Variants in OSBPL3 observed in about 807,000 individuals in gnomAD.
OSBPL3 encodes oxysterol binding protein like 3.
OSBPL3 carries 65 observed loss-of-function variants against 120.1 expected under a neutral mutation model. That is an observed-to-expected ratio of 0.54 (90% CI 0.44 to 0.67). OSBPL3 has a LOEUF of 0.67. OSBPL3 is among the 30% of genes least tolerant of loss of function. OSBPL3 has a pLI of 0.00. For synonymous variants in OSBPL3, 416 were observed against 402.6 expected, an observed-to-expected ratio of 1.03 and a Z score of -0.40; for missense variants, 1,004 against 1,082.1, an observed-to-expected ratio of 0.93 and a Z score of 1.01.
chr7:24,974,274 T>G (rs2711028), intron 1 of OSBPL3, among the ~76,000 whole-genome samples: 26,423 of 152,150 alleles, frequency 0.17, 2,844 homozygotes, highest in South Asian at 0.4. Flanking sequence ...ACCCCCAGAT[T>G]ATTTCAAAGC....
Position 24,810,007 on chromosome 7 carries a change from T to A in OSBPL3, c.2173-56A>T. The A allele has an allele frequency of 5.0e-6, 8 of 1,586,312 alleles. No individual in the cohort carries two copies. In the Admixed American group the frequency reaches 6.9e-5, roughly 14 times the overall value. ...CTTTAGCATCAGCTTATTACAGATA[T>A]TAAGGAAAGAAAAAAGGAAAAGCTA... On this transcript the variant is annotated intron_variant, in intron 19 of 22. Transcript: ENST00000313367.
chr7:24,836,212 A>G (rs79705006), intron 14 of OSBPL3, among the ~76,000 whole-genome samples: 18,625 of 152,240 alleles, frequency 0.12, 1,302 homozygotes, highest in Non-Finnish European at 0.17. Context: ...CTGCTTTTCA[A>G]AAAGGCTGCC....
rs957226218 is a variant in OSBPL3 at position 24,830,909 on chromosome 7, A to T, written c.1747-4T>A. The T allele has an allele frequency of 1.9e-6, 3 of 1,589,282 alleles. No individual in the cohort carries two copies. Among genetic ancestry groups the T allele is most frequent in the Admixed American group, 3.8e-5 (2 of 52,494 alleles). ...TGGCAAAGGCTGCCACATATACCTA[A>T]GGACAAGAGAAAAGAACTTTGTCAT... On this transcript the variant is annotated splice_region_variant and splice_polypyrimidine_tract_variant and intron_variant, in intron 15 of 22. Transcript: ENST00000313367. This position sits in a 1 kb window ranked among gnomAD's most constrained non-coding sequence, Gnocchi z 4.4.
chr7:24,903,532 G>A (rs545284217), intron 1 of OSBPL3, among the ~76,000 whole-genome samples: 3 of 152,324 alleles, frequency 2.0e-5, no homozygotes, highest in South Asian at 4.1e-4. Flanking sequence ...TCCTTCACCA[G>A]AAGAAATGCT....
Position 24,883,416 on chromosome 7 carries a change from C to T in OSBPL3, c.96+8961G>A, listed in dbSNP as rs1257563441. Among the ~76,000 whole-genome samples the T allele has an allele frequency of 6.6e-6, 1 of 152,184 alleles. No homozygotes were observed. Among genetic ancestry groups the T allele is most frequent in the African/African-American group, 2.4e-5 (1 of 41,442 alleles). The stretch of plus-strand genomic sequence containing the variant: ...CCTCCCCAGGAAAGAGCTATTGAAT[C>T]GGTCAGCTCAGTTCACATTTGCATC... On this transcript the variant is annotated intron_variant, in intron 2 of 22. Transcript: ENST00000313367. This position sits in a 1 kb window ranked among gnomAD's most constrained non-coding sequence, Gnocchi z 5.4.
At chr7:24,810,848 A>G (rs1793708168) in intron 19 of OSBPL3, among the ~76,000 whole-genome samples, 1 of 152,246 alleles carries the variant, frequency 6.6e-6, no homozygotes, top group African/African-American at 2.4e-5. Context: ...GTCACAAATG[A>G]CAGGGTTTCC....
intron 1 of OSBPL3, among the ~76,000 whole-genome samples, chr7:24,893,104 C>T (rs979231902): frequency 6.6e-5 from 10 of 152,094 alleles, no homozygotes; most frequent in African/African-American, 2.2e-4. Flanking sequence ...ATCATATGAT[C>T]CAGTAATTCC....
In OSBPL3 at chr7:24,946,319, T is replaced by C. The variant is rs1055513813; in HGVS notation, c.-150+33567A>G. 6.6e-6 allele frequency among the ~76,000 whole-genome samples: 1 copy of C among 152,150 alleles called. No individual in the cohort carries two copies. Among genetic ancestry groups the C allele is most frequent in the African/African-American group, 2.4e-5 (1 of 41,424 alleles). On this transcript the variant is annotated intron_variant, in intron 1 of 22. Transcript: ENST00000313367. This position sits in a 1 kb window ranked among gnomAD's most constrained non-coding sequence, Gnocchi z 4.3. ...CAACCTAGACTACTAAGTTGTCACA[T>C]AGCGTTATTTTTGCCGTACTTTTAT...
chr7:24,893,256 A>C (rs1318530110), intron 1 of OSBPL3, among the ~76,000 whole-genome samples: 1 of 152,228 alleles, frequency 6.6e-6, no homozygotes, highest in Non-Finnish European at 1.5e-5. Context: ...GATGAACAAA[A>C]TCTCATATAT....
chr7:24,925,205 C>A (rs139421619), intron 1 of OSBPL3, among the ~76,000 whole-genome samples: 2 of 152,304 alleles, frequency 1.3e-5, no homozygotes, highest in Admixed American at 6.5e-5. Flanking sequence ...AGGCCTACCG[C>A]TGTGATAACA....
chr7:24,861,589 T>A, intron 10 of OSBPL3, 24 bp downstream of exon 10: 1 of 1,533,188 alleles, frequency 6.5e-7, no homozygotes, highest in Non-Finnish European at 8.9e-7. Flanking sequence ...TCAAACACAT[T>A]AGGAAGAAAG....
intron 14 of OSBPL3, among the ~76,000 whole-genome samples, chr7:24,839,799 GGTAATATGGT>G (rs1797473787): frequency 6.6e-6 from 1 of 151,730 alleles, no homozygotes; most frequent in African/African-American, 2.4e-5. Context: ...GACCAGCCTG[GGTAATATGGT>G]GAAACCTCGT....
intron 5 of OSBPL3, among the ~76,000 whole-genome samples, chr7:24,866,904 C>A (rs761981724): frequency 5.9e-5 from 9 of 152,140 alleles, no homozygotes; most frequent in Non-Finnish European, 1.0e-4. Flanking sequence ...CAGGTTCAAG[C>A]GATCTCTTGC....
rs377386634 is a variant in OSBPL3, at chr7:24,833,096, G to C, written c.1746+1390C>G. Among the ~76,000 whole-genome samples, 7 of 152,198 alleles carry C rather than the reference G, an allele frequency of 4.6e-5. No homozygotes were observed. Among genetic ancestry groups the C allele is most frequent in the African/African-American group, 1.7e-4 (7 of 41,454 alleles). On this transcript the variant is annotated intron_variant, in intron 15 of 22. Coordinates refer to ENST00000313367, the MANE Select transcript of OSBPL3 (RefSeq NM_015550.4). This position sits in a 1 kb window ranked among gnomAD's most constrained non-coding sequence, Gnocchi z 4.4. ...AACACTTGCTTAGAAGCTATTTCTA[G>C]AAGATTTGCCTTCCTTTTATTCAGC...
Position 24,866,082 on chromosome 7 carries a change from A to G in OSBPL3, c.537T>C (p.Ile179=). 6.2e-7 allele frequency: 1 copy of G among 1,613,520 alleles called. No individual in the cohort carries two copies. Among genetic ancestry groups the G allele is most frequent in the Admixed American group, 1.7e-5 (1 of 59,972 alleles). ...TDSSSGVFDS[I]SSRKRSSISK... ...AAACACTCATTACCTTCCTACTTGA[A>G]ATGGAGTCAAACACCCCAGATGAAG... is the stretch of plus-strand genomic sequence containing the variant. The change falls in exon 6 of 23, where the codon ATT becomes ATC. Residue 179 remains isoleucine (I), a synonymous_variant. Coordinates refer to ENST00000313367, the MANE Select transcript of OSBPL3 (RefSeq NM_015550.4).
chr7:24,979,612 G>A (rs955862738), intron 1 of OSBPL3, among the ~76,000 whole-genome samples: 2 of 152,140 alleles, frequency 1.3e-5, no homozygotes, highest in African/African-American at 4.8e-5. Flanking sequence ...CCTGCGCTCG[G>A]CTCCTCCTGG....
rs1812555175 is a variant in OSBPL3, at chr7:24,937,410, T to C, written c.-150+42476A>G. On this transcript the variant is annotated intron_variant, in intron 1 of 22. Coordinates refer to ENST00000313367, the MANE Select transcript of OSBPL3 (RefSeq NM_015550.4). The surrounding 1 kb of genome is among the most constrained non-coding windows in gnomAD (Gnocchi z 4.0). Reference sequence around the variant, plus strand: ...ATTATGAATGGGCTCATTCTGTATATAATCCCCAATTTGACTTTTATGTTC... The same window carrying C: ...ATTATGAATGGGCTCATTCTGTATACAATCCCCAATTTGACTTTTATGTTC... Among the ~76,000 whole-genome samples, 1 of 152,246 alleles carries C rather than the reference T, an allele frequency of 6.6e-6. No individual in the cohort carries two copies. Among genetic ancestry groups the C allele is most frequent in the African/African-American group, 2.4e-5 (1 of 41,468 alleles).
intron 1 of OSBPL3, among the ~76,000 whole-genome samples, chr7:24,919,174 T>C (rs1376061627): frequency 1.3e-5 from 2 of 152,144 alleles, no homozygotes; most frequent in African/African-American, 2.4e-5. Flanking sequence ...TCTCAAAATA[T>C]GTGTGGGAGA....
rs968212156 is a variant in OSBPL3, at chr7:24,898,053, A to C, written c.-149-5432T>G. 3.3e-5 allele frequency among the ~76,000 whole-genome samples: 5 copies of C among 152,222 alleles called. No homozygotes were observed. The highest frequency in any genetic ancestry group is 1.2e-4 in the African/African-American group (5 of 41,466). On this transcript the variant is annotated intron_variant, in intron 1 of 22. Transcript: ENST00000313367. The surrounding 1 kb of genome is among the most constrained non-coding windows in gnomAD (Gnocchi z 4.3). ...TAGAAATTTTTTAAGTGGGATATCT[A>C]TTTCTGGTCTTTAATAAAATAAAAT...
Sources: gnomAD v4.1 joint callset for allele counts (sites outside exome capture counted in the v4.1 genomes callset) on GRCh38, gnomAD v4.1.1 for gene constraint, Gnocchi (gnomAD v3.1) non-coding constraint, MANE v1.5 for transcripts, NCBI Gene and HGNC (gene_info 2026-07-23, HGNC 2026-07-21) for gene names.